The following THOC1 variants were observed in gnomAD, a reference collection of about 807,000 sequenced individuals.
THOC1 encodes the protein THO complex subunit 1.
In THOC1, 29 loss-of-function variants were observed where a neutral mutation model predicts 97.3. The ratio of observed to expected loss-of-function variants is 0.30; its 90% CI spans 0.22 to 0.41. The LOEUF (loss-of-function observed/expected upper bound fraction) is 0.41. Among genes scored for constraint, THOC1 ranks in the 10% least tolerant of loss-of-function variants. The probability of loss-of-function intolerance (pLI) is 1.00; values close to 1 mark genes in which losing one functional copy is unlikely to be tolerated. For synonymous variants in THOC1, 255 were observed against 257.0 expected, an observed-to-expected ratio of 0.99 and a Z score of 0.07; for missense variants, 529 against 761.9, an observed-to-expected ratio of 0.69 and a Z score of 3.60.
chr18:247,607 A>G (rs1294892991), intron 10 of THOC1, among the ~76,000 whole-genome samples: 1 of 152,230 alleles, frequency 6.6e-6, no homozygotes, highest in Non-Finnish European at 1.5e-5. Flanking sequence ...TGTTAACAAC[A>G]CTCATTATAT....
intron 18 of THOC1, 86 bp from the exon 19 acceptor site, chr18:216,719 A>G: frequency 7.0e-7 from 1 of 1,433,384 alleles, no homozygotes; most frequent in Non-Finnish European, 9.2e-7. Context: ...GTAATTCTGT[A>G]TTTAAGGTAA....
intron 18 of THOC1, 47 bp from the exon 19 acceptor site, chr18:216,680 G>T (rs1313189473): frequency 4.4e-6 from 7 of 1,586,488 alleles, no homozygotes; most frequent in Non-Finnish European, 6.0e-6. Flanking sequence ...TTGTATTTCT[G>T]TATTCCCTTC....
chr18:230,408 C>T (rs1416486289), intron 11 of THOC1, among the ~76,000 whole-genome samples: 1 of 152,188 alleles, frequency 6.6e-6, no homozygotes, highest in Non-Finnish European at 1.5e-5. Flanking sequence ...GTGATGCTTA[C>T]TAGCTGTTCA....
Position 247,891 on chromosome 18 carries a change from A to G in THOC1, c.744T>C (p.Pro248=), listed in dbSNP as rs745831741. The G allele has an allele frequency of 1.9e-5, 31 of 1,610,602 alleles. No homozygotes were observed. The highest frequency in any genetic ancestry group is 2.4e-5 in the Non-Finnish European group (28 of 1,179,126). ...FWSLQDYFRN[P]VQCYEKISWK... ...ATGAAATCTTCTCATAGCATTGCAC[A>G]GGGTTCCTGAAGTAATCCTGAAGTG... The change falls in exon 10 of 21, where the codon CCT becomes CCC. Residue 248 remains proline (P), a synonymous_variant. Coordinates refer to ENST00000261600, the MANE Select transcript of THOC1 (RefSeq NM_005131.3).
chr18:246,846 G>A (rs1268347491), intron 10 of THOC1, among the ~76,000 whole-genome samples: 3 of 150,822 alleles, frequency 2.0e-5, no homozygotes, highest in Admixed American at 6.6e-5. Context: ...GTGTGGTGGC[G>A]GGCACCTGTA....
In THOC1 at chr18:226,827, A is replaced by G; in HGVS notation, c.993T>C (p.Tyr331=). ...TTTTGAATTTGACCTGCCCCTTGAGATATTGGAATAAAATGAGATACTGCA... is the reference window on the plus strand; with the variant it reads ...TTTTGAATTTGACCTGCCCCTTGAGGTATTGGAATAAAATGAGATACTGCA... ...ILLQYLILFQ[Y]LKGQVKFKSS... is the part of the protein sequence containing the mutation. Residue 331 remains tyrosine (Y), a synonymous_variant, in exon 12 of 21, where the codon TAT becomes TAC. Transcript: ENST00000261600. 6.2e-7 allele frequency: 1 copy of G among 1,611,814 alleles called. No individual in the cohort carries two copies. The highest frequency in any genetic ancestry group is 8.5e-7 in the Non-Finnish European group (1 of 1,178,970).
intron 18 of THOC1, among the ~76,000 whole-genome samples, chr18:217,096 T>TA: frequency 6.6e-6 from 1 of 152,350 alleles, no homozygotes; most frequent in Non-Finnish European, 1.5e-5. Flanking sequence ...GCGTCAGAAA[T>TA]ATGCAATGCT....
chr18:240,653 C>T (rs1911864592), intron 11 of THOC1, among the ~76,000 whole-genome samples: 2 of 152,168 alleles, frequency 1.3e-5, no homozygotes. Context: ...GGATCCCCAA[C>T]CTTTTTGGCA....
In THOC1 at chr18:247,890, C is replaced by T; in HGVS notation, c.745G>A (p.Val249Met). ...CATGAAATCTTCTCATAGCATTGCA[C>T]AGGGTTCCTGAAGTAATCCTGAAGT... Reference protein sequence around the residue: ...WSLQDYFRNPVQCYEKISWKT... With the variant: ...WSLQDYFRNPMQCYEKISWKT... Residue 249 changes from valine (V) to methionine (M), a missense_variant, in exon 10 of 21, where the codon GTG becomes ATG. Physicochemically the swap from Val to Met is conservative, Grantham distance 21. This residue lies in a region of THOC1 where 92 missense variants were observed against 127.0 expected (regional missense o/e 0.72). Coordinates refer to ENST00000261600, the MANE Select transcript of THOC1 (RefSeq NM_005131.3). 1 of 1,610,682 alleles carries T rather than the reference C, an allele frequency of 6.2e-7. No individual in the cohort carries two copies. The highest frequency in any genetic ancestry group is 8.5e-7 in the Non-Finnish European group (1 of 1,179,132).
intron 7 of THOC1, among the ~76,000 whole-genome samples, chr18:256,866 T>G (rs1912452648): frequency 6.6e-6 from 1 of 152,170 alleles, no homozygotes; most frequent in African/African-American, 2.4e-5. Flanking sequence ...AACTTCACTG[T>G]GCTATTTGAA....
Position 246,449 on chromosome 18 carries a change from C to G in THOC1, c.793G>C (p.Glu265Gln), listed in dbSNP as rs548902228. The change falls in exon 11 of 21, where the codon GAA becomes CAA. Residue 265 changes from glutamate (E) to glutamine (Q), a missense_variant. Glu to Gln is a conservative substitution (Grantham distance 29). Around this residue, in one of 8 missense-constraint regions of THOC1, gnomAD observed 92 missense variants for 127.0 expected, o/e 0.72. Transcript: ENST00000261600. Reference protein sequence around the residue: ...ISWKTFLKYSEEVLAVFKSYK... With the variant: ...ISWKTFLKYSQEVLAVFKSYK... ...CTCTTAAAAACAGCTAAAACTTCTT[C>G]AGAATACTGCAAAATAAAAATATTA... 6.4e-7 allele frequency: 1 copy of G among 1,564,144 alleles called. No homozygotes were observed. Among genetic ancestry groups the G allele is most frequent in the Non-Finnish European group, 8.7e-7 (1 of 1,152,970 alleles).
chr18:224,280 TAAAA>T (rs1198330335), intron 15 of THOC1, 101 bp from the exon 16 acceptor site: 12 of 978,762 alleles, frequency 1.2e-5, no homozygotes, highest in Middle Eastern at 4.2e-4. Context: ...GTTTTCCTCT[TAAAA>T]AAGATGAAAA....
Position 224,973 on chromosome 18 carries a change from T to C in THOC1, c.1159A>G (p.Asn387Asp). ...CCTTCATTTTTCCACGAGTTCCAGT[T>C]TTCTTCAGTGTTTAATATATGCTGG... is the stretch of plus-strand genomic sequence containing the variant. The part of the protein sequence containing the change: ...MVEHILNTEE[N>D]WNSWKNEGCP... Residue 387 changes from asparagine (N) to aspartate (D), a missense_variant, in exon 15 of 21, where the codon AAC (asparagine) becomes GAC (aspartate). By Grantham distance (23) the Asn-to-Asp change is conservative (BLOSUM62 1). Around this residue, in one of 8 missense-constraint regions of THOC1, gnomAD observed 123 missense variants for 159.0 expected, o/e 0.77. Transcript: ENST00000261600. 1.3e-6 allele frequency: 2 copies of C among 1,574,586 alleles called. No individual in the cohort carries two copies. The highest frequency in any genetic ancestry group is 1.7e-6 in the Non-Finnish European group (2 of 1,157,796).
intron 12 of THOC1, 140 bp downstream of exon 12, chr18:226,661 T>C (rs1043794903): frequency 1.5e-5 from 9 of 583,590 alleles, no homozygotes; most frequent in Non-Finnish European, 2.7e-5. Context: ...CGAAAAGCCT[T>C]CAATGTATCA....
At chr18:249,532 C>A (rs778105219) in intron 9 of THOC1, among the ~76,000 whole-genome samples, 1 of 151,922 alleles carries the variant, frequency 6.6e-6, no homozygotes. Flanking sequence ...CATTGTGGTG[C>A]GTGCTTGTAG....
chr18:237,843 C>T (rs55877515), intron 11 of THOC1, among the ~76,000 whole-genome samples: 1,849 of 152,148 alleles, frequency 0.012, 33 homozygotes, highest in African/African-American at 0.042. Context: ...ATAAAAACAA[C>T]TAAATTATAA....
intron 11 of THOC1, among the ~76,000 whole-genome samples, chr18:235,121 A>C (rs1005787412): frequency 5.8e-5 from 8 of 138,592 alleles, no homozygotes; most frequent in African/African-American, 1.9e-4. Flanking sequence ...TTCGGTCATT[A>C]AAATTTTCTA....
intron 11 of THOC1, chr18:245,752 G>A (rs948132186): frequency 6.6e-6 from 1 of 152,482 alleles, no homozygotes; most frequent in African/African-American, 2.4e-5. Flanking sequence ...TGGCATTTCT[G>A]GTCCATGAAG....
Position 260,319 on chromosome 18 carries a change from C to T in THOC1, c.257-15G>A. On this transcript the variant is annotated splice_polypyrimidine_tract_variant and intron_variant, in intron 4 of 20. Transcript: ENST00000261600. Reference sequence around the variant, plus strand: ...GGTACAAATACCTTCAAGTGGAGCACAAGCCAATTTAAAAGTTTAAAAAAC... The same window carrying T: ...GGTACAAATACCTTCAAGTGGAGCATAAGCCAATTTAAAAGTTTAAAAAAC... 2 of 1,466,090 alleles carry T rather than the reference C, an allele frequency of 1.4e-6. No individual in the cohort carries two copies. Among genetic ancestry groups the T allele is most frequent in the Non-Finnish European group, 1.8e-6 (2 of 1,103,704 alleles). The allele number at this position is 1,466,090 out of a possible 1,614,324, so 90.8% of individuals were successfully genotyped here. A position where few individuals can be genotyped will look rare whatever the true frequency, so the allele number is the denominator to read the frequency against.
Sources: allele counts gnomAD v4.1 joint callset (sites outside exome capture counted in the v4.1 genomes callset), GRCh38; gene constraint gnomAD v4.1.1; regional missense constraint gnomAD v4.1.1; transcripts MANE v1.5; gene names NCBI Gene and HGNC (gene_info 2026-07-23, HGNC 2026-07-21).